Variants in FGF2 observed in about 807,000 individuals in gnomAD.
FGF2 encodes the protein basic fibroblast growth factor bFGF.
Under a neutral mutation model 15.9 loss-of-function variants are expected in FGF2, and 13 were observed. That is an observed-to-expected ratio of 0.82 (90% CI 0.53 to 1.30). The LOEUF is 1.30. Among genes scored for constraint, FGF2 ranks in the 50% most tolerant of loss-of-function variants. The pLI is 0.00. For synonymous variants in FGF2, 90 were observed against 78.4 expected (o/e 1.15, Z -0.78); for missense variants, 163 against 196.9 (o/e 0.83, Z 1.03).
chr4:122,886,174 C>A (rs923823760), intron 2 of FGF2, among the ~76,000 whole-genome samples: 1 of 151,998 alleles, frequency 6.6e-6, no homozygotes, highest in Non-Finnish European at 1.5e-5. Context: ...CCTGCCTTGG[C>A]CTCCCAAAGT....
At chr4:122,876,279 T>C (rs746760714) in intron 1 of FGF2, 42 bp from the exon 2 acceptor site, 1 of 1,153,164 alleles carries the variant, frequency 8.7e-7, no homozygotes, top group Non-Finnish European at 1.3e-6. Flanking sequence ...GAAGGCTCTT[T>C]CCTCTGTGGT....
chr4:122,839,946 G>A (rs975908351), intron 1 of FGF2, among the ~76,000 whole-genome samples: 2 of 152,114 alleles, frequency 1.3e-5, no homozygotes, highest in Non-Finnish European at 2.9e-5. Flanking sequence ...CCTCTCCTTG[G>A]CTTGTCGATG....
Position 122,895,505 on chromosome 4 carries a change from T to A in FGF2, c.*3109T>A, listed in dbSNP as rs1221367721. 2 of 152,206 alleles carry A rather than the reference T, an allele frequency of 1.3e-5. No individual in the cohort carries two copies. The highest frequency in any genetic ancestry group is 1.3e-4 in the Admixed American group (2 of 15,276). 9.4% of individuals were successfully genotyped at this position (152,206 alleles called of 1,614,324 possible). ...GGTTTTCCTGGTGTTTCCCTCTGAC[T>A]CTAGTGCACTGATGATCTCTGATAA... On this transcript the variant is annotated 3_prime_UTR_variant, in exon 3 of 3. Coordinates refer to ENST00000644866, the MANE Select transcript of FGF2 (RefSeq NM_001361665.2).
At chr4:122,847,013 A>C (rs1490424053) in intron 1 of FGF2, among the ~76,000 whole-genome samples, 2 of 152,146 alleles carry the variant, frequency 1.3e-5, no homozygotes, top group African/African-American at 4.8e-5. Context: ...CGCATTCCTC[A>C]CTCATTCATC....
intron 1 of FGF2, among the ~76,000 whole-genome samples, chr4:122,837,876 CT>C: frequency 6.6e-6 from 1 of 151,862 alleles, no homozygotes; most frequent in Non-Finnish European, 1.5e-5. Context: ...ACATTATTTC[CT>C]TATCTTCTTT....
Position 122,897,604 on chromosome 4 carries a change from A to C in FGF2, c.*5208A>C, listed in dbSNP as rs760759960. 6.4e-7 allele frequency: 1 copy of C among 1,561,848 alleles called. No homozygotes were observed. The highest frequency in any genetic ancestry group is 1.1e-5 in the South Asian group (1 of 89,684). On this transcript the variant is annotated 3_prime_UTR_variant, in exon 3 of 3. Transcript: ENST00000644866. ...TTCCTCAACATTTTTAAGCCAATTAAAAATATAAAAGATACACACCAATAT... is the reference window on the plus strand; with the variant it reads ...TTCCTCAACATTTTTAAGCCAATTACAAATATAAAAGATACACACCAATAT...
chr4:122,855,433 T>C (rs1284561130), intron 1 of FGF2, among the ~76,000 whole-genome samples: 2 of 152,240 alleles, frequency 1.3e-5, no homozygotes, highest in East Asian at 3.8e-4. Context: ...TTTCAAAATA[T>C]CAGCAGTTTT....
Position 122,894,145 on chromosome 4 carries a change from T to A in FGF2, c.*1749T>A, listed in dbSNP as rs1030853054. On this transcript the variant is annotated 3_prime_UTR_variant, in exon 3 of 3. Transcript: ENST00000644866. ...ATCCCCTGGATATGCTCTTGTTTTT[T>A]CCCTCTAATAGCTATGGAAAGATGC... 1 of 152,238 alleles carries A rather than the reference T, an allele frequency of 6.6e-6. No individual in the cohort carries two copies. Among genetic ancestry groups the A allele is most frequent in the African/African-American group, 2.4e-5 (1 of 41,462 alleles). The allele number at this position is 152,238 out of a possible 1,614,324, so 9.4% of individuals were successfully genotyped here.
chr4:122,837,383 T>C (rs1009125790), intron 1 of FGF2, among the ~76,000 whole-genome samples: 1 of 152,148 alleles, frequency 6.6e-6, no homozygotes, highest in Non-Finnish European at 1.5e-5. Context: ...ATTAAAACGG[T>C]CAAATAATGC....
intron 2 of FGF2, among the ~76,000 whole-genome samples, chr4:122,880,811 TGGTGCTGCAATAG>T (rs1024328708): frequency 6.6e-6 from 1 of 152,148 alleles, no homozygotes; most frequent in African/African-American, 2.4e-5. Flanking sequence ...CTCCACTAGG[TGGTGCTGCAATAG>T]GGACTCTGTG....
At chr4:122,853,913 G>GTT (rs1428155930) in intron 1 of FGF2, among the ~76,000 whole-genome samples, 1 of 152,212 alleles carries the variant, frequency 6.6e-6, no homozygotes, top group African/African-American at 2.4e-5. Flanking sequence ...GCAGAATGCA[G>GTT]TTTTGTTAAT....
chr4:122,892,527 G>C lies in FGF2; in HGVS notation c.*131G>C. ...AATTGGTCAAACAATTTTTTATCCA[G>C]TAGTAAAATATGTAACCATTGTCCC... On this transcript the variant is annotated 3_prime_UTR_variant, in exon 3 of 3. Transcript: ENST00000644866. 6.6e-7 allele frequency: 1 copy of C among 1,511,654 alleles called. No individual in the cohort carries two copies. The highest frequency in any genetic ancestry group is 8.8e-7 in the Non-Finnish European group (1 of 1,131,746). The allele number at this position is 1,511,654 out of a possible 1,614,324, so 93.6% of individuals were successfully genotyped here. A position where few individuals can be genotyped will look rare whatever the true frequency, so the allele number is the denominator to read the frequency against.
chr4:122,876,715 TA>T (rs892503946), intron 2 of FGF2, among the ~76,000 whole-genome samples: 4 of 152,132 alleles, frequency 2.6e-5, no homozygotes, highest in African/African-American at 4.8e-5. Context: ...AGCTATAATT[TA>T]AAAAAAATTT....
intron 1 of FGF2, among the ~76,000 whole-genome samples, chr4:122,831,035 A>G (rs1360700223): frequency 6.6e-6 from 1 of 152,088 alleles, no homozygotes; most frequent in African/African-American, 2.4e-5. Context: ...CATGTGTTCC[A>G]TGCAACCCCA....
intron 1 of FGF2, among the ~76,000 whole-genome samples, chr4:122,829,853 G>GTA (rs1266163902): frequency 6.6e-6 from 1 of 152,144 alleles, no homozygotes; most frequent in African/African-American, 2.4e-5. Flanking sequence ...TTTAAGTACA[G>GTA]TATATTATTT....
At chr4:122,876,871 G>T (rs751150458) in intron 2 of FGF2, among the ~76,000 whole-genome samples, 4 of 152,134 alleles carry the variant, frequency 2.6e-5, no homozygotes, top group Non-Finnish European at 5.9e-5. Flanking sequence ...TTTCTGCCTG[G>T]TACAGATGCC....
chr4:122,877,459 G>T (rs1391037491), intron 2 of FGF2, among the ~76,000 whole-genome samples: 1 of 152,044 alleles, frequency 6.6e-6, no homozygotes, highest in Admixed American at 6.6e-5. Flanking sequence ...GCTTATCAGG[G>T]GTCCTAGTTC....
chr4:122,886,941 C>CA (rs1215150105), intron 2 of FGF2, among the ~76,000 whole-genome samples: 7 of 152,078 alleles, frequency 4.6e-5, no homozygotes, highest in Non-Finnish European at 8.8e-5. Flanking sequence ...CTTAAGCTGA[C>CA]AGAGCAAGAA....
chr4:122,871,341 G>C (rs1174180562), intron 1 of FGF2, among the ~76,000 whole-genome samples: 2 of 152,150 alleles, frequency 1.3e-5, no homozygotes, highest in African/African-American at 4.8e-5. Context: ...AGATCCACTT[G>C]ATCCAGAGCT....
Sources: allele counts gnomAD v4.1 joint callset (sites outside exome capture counted in the v4.1 genomes callset), GRCh38; gene constraint gnomAD v4.1.1; transcripts MANE v1.5; gene names NCBI Gene and HGNC (gene_info 2026-07-23, HGNC 2026-07-21).